The following SLC12A2 variants were observed in gnomAD, a reference collection of about 807,000 sequenced individuals.
SLC12A2 encodes Na-K-2Cl cotransporter 1.
Under a neutral mutation model 136.3 loss-of-function variants are expected in SLC12A2, and 67 were observed. That is an observed-to-expected ratio of 0.49 (90% CI 0.40 to 0.60). The LOEUF (loss-of-function observed/expected upper bound fraction) is 0.60, where lower values mean the gene tolerates loss of function less well. Ranked by LOEUF, SLC12A2 falls within the 20% of genes least tolerant of loss-of-function variation. SLC12A2 has a pLI of 0.00. For synonymous variants in SLC12A2, 619 were observed against 562.9 expected (o/e 1.10, Z -1.41); for missense variants, 1,322 against 1,534.7 (o/e 0.86, Z 2.32).
intron 9 of SLC12A2, 124 bp from the exon 10 acceptor site, chr5:128,141,706 C>A: frequency 1.6e-6 from 1 of 615,512 alleles, no homozygotes; most frequent in Non-Finnish European, 2.5e-6. Flanking sequence ...GCAATGTATG[C>A]TATTATAAGG....
At chr5:128,184,132 A>G (rs1388720751) in intron 24 of SLC12A2, among the ~76,000 whole-genome samples, 1 of 152,040 alleles carries the variant, frequency 6.6e-6, no homozygotes. Flanking sequence ...ATTTCAGATT[A>G]GGGATGCACA....
At chr5:128,168,919 T>C (rs1382403461) in intron 18 of SLC12A2, 2 of 152,224 alleles carry the variant, frequency 1.3e-5, no homozygotes, top group African/African-American at 4.8e-5. Context: ...GTGCGTTCTT[T>C]TTTATTCTTT....
intron 1 of SLC12A2, among the ~76,000 whole-genome samples, chr5:128,088,164 C>T (rs1017120299): frequency 6.6e-6 from 1 of 151,692 alleles, no homozygotes; most frequent in African/African-American, 2.4e-5. Flanking sequence ...TGGCATTGGA[C>T]TTGGAGATTG....
chr5:128,181,380 A>G (rs561291842), intron 23 of SLC12A2, among the ~76,000 whole-genome samples: 36 of 152,246 alleles, frequency 2.4e-4, no homozygotes, highest in South Asian at 1.7e-3. Flanking sequence ...CATCCATCCA[A>G]TTCTTTCCAT....
chr5:128,183,177 G>C (rs1362496401), intron 24 of SLC12A2, among the ~76,000 whole-genome samples: 1 of 152,036 alleles, frequency 6.6e-6, no homozygotes, highest in Admixed American at 6.6e-5. Flanking sequence ...TCTGAAAGGT[G>C]GTTCATTTCC....
At chr5:128,092,265 T>C (rs1263756456) in intron 1 of SLC12A2, among the ~76,000 whole-genome samples, 1 of 152,174 alleles carries the variant, frequency 6.6e-6, no homozygotes, top group Admixed American at 6.5e-5. Flanking sequence ...ACCACTTTGG[T>C]AAAAGCCCAT....
intron 4 of SLC12A2, among the ~76,000 whole-genome samples, chr5:128,118,422 A>G (rs1188607612): frequency 6.6e-6 from 1 of 152,212 alleles, no homozygotes; most frequent in East Asian, 1.9e-4. Flanking sequence ...CATTTGCGGC[A>G]ACCTGCATGG....
intron 18 of SLC12A2, chr5:128,169,134 C>T (rs1333232674): frequency 6.6e-6 from 1 of 151,960 alleles, no homozygotes; most frequent in Non-Finnish European, 1.5e-5. Flanking sequence ...ATAAGCATTC[C>T]CTCTCCACTA....
chr5:128,186,605 C>T lies in SLC12A2; in HGVS notation c.3613C>T (p.Gln1205Ter). Residue 1205 changes from glutamine (Q) to a stop codon, truncating the protein, a stop_gained, in exon 27 of 27, where the codon CAG (glutamine) becomes TAG (stop). Coordinates refer to ENST00000262461, the MANE Select transcript of SLC12A2 (RefSeq NM_001046.3). LOFTEE classifies it high-confidence loss of function. The stretch of plus-strand genomic sequence containing the variant: ...AATCCTCCTAGTTCGTGGGAATCAT[C>T]AGAGTGTCCTTACCTTCTATTCATA... ...PPILLVRGNH[Q>*]SVLTFYS 1 of 1,613,978 alleles carries T rather than the reference C, an allele frequency of 6.2e-7. No individual in the cohort carries two copies. The highest frequency in any genetic ancestry group is 8.5e-7 in the Non-Finnish European group (1 of 1,179,940).
intron 1 of SLC12A2, chr5:128,109,935 A>C: frequency 1.2e-6 from 1 of 841,718 alleles, no homozygotes; most frequent in Non-Finnish European, 2.1e-6. Flanking sequence ...CGGGGGATGA[A>C]CTGCCCAACT....
intron 4 of SLC12A2, among the ~76,000 whole-genome samples, chr5:128,118,259 C>T (rs1046841273): frequency 5.9e-5 from 9 of 152,146 alleles, no homozygotes; most frequent in African/African-American, 2.2e-4. Flanking sequence ...ATGAAAAAGA[C>T]ACTTGTGCAC....
At chr5:128,134,136 C>A in intron 5 of SLC12A2, 29 bp from the exon 6 acceptor site, 1 of 1,173,564 alleles carries the variant, frequency 8.5e-7, no homozygotes, top group Non-Finnish European at 1.3e-6. Context: ...ACTAGTATTG[C>A]TTATTATATT....
rs1763896524 is a variant in SLC12A2 at position 128,187,214 on chromosome 5, A to T, written c.*583A>T. On this transcript the variant is annotated 3_prime_UTR_variant, in exon 27 of 27. Coordinates refer to ENST00000262461, the MANE Select transcript of SLC12A2 (RefSeq NM_001046.3). ...TCAAAAATGGGGAAGGGGAAATGGTAACCAAAAAGTAACCCCATGGTAAGG... is the reference window on the plus strand; with the variant it reads ...TCAAAAATGGGGAAGGGGAAATGGTTACCAAAAAGTAACCCCATGGTAAGG... 1 of 152,786 alleles carries T rather than the reference A, an allele frequency of 6.5e-6. No homozygotes were observed. The highest frequency in any genetic ancestry group is 1.5e-5 in the Non-Finnish European group (1 of 68,168). The allele number at this position is 152,786 out of a possible 1,614,324, so 9.5% of individuals were successfully genotyped here.
Position 128,174,521 on chromosome 5 carries a change from A to G in SLC12A2, c.2804-20A>G. 2 of 1,569,026 alleles carry G rather than the reference A, an allele frequency of 1.3e-6. No homozygotes were observed. Among genetic ancestry groups the G allele is most frequent in the Non-Finnish European group, 1.7e-6 (2 of 1,148,986 alleles). On this transcript the variant is annotated intron_variant, in intron 19 of 26. Coordinates refer to ENST00000262461, the MANE Select transcript of SLC12A2 (RefSeq NM_001046.3). ...TAAAATATGACTTAGATACTATTTT[A>G]AATAATTTTCTGTCTACAGAAGAAT...
intron 4 of SLC12A2, among the ~76,000 whole-genome samples, chr5:128,126,171 G>T (rs1761786827): frequency 1.3e-5 from 2 of 152,022 alleles, no homozygotes; most frequent in South Asian, 4.1e-4. Flanking sequence ...GCCAATTTCT[G>T]CCCAAAAAAT....
chr5:128,111,196 AAAAT>A (rs1375441564), intron 1 of SLC12A2, among the ~76,000 whole-genome samples: 4 of 152,240 alleles, frequency 2.6e-5, no homozygotes, highest in Non-Finnish European at 4.4e-5. Context: ...CCTTTATTAA[AAAAT>A]ATATATACAC....
intron 17 of SLC12A2, among the ~76,000 whole-genome samples, chr5:128,166,845 CTT>C (rs916563575): frequency 1.3e-5 from 2 of 151,788 alleles, no homozygotes; most frequent in African/African-American, 2.4e-5. Flanking sequence ...AATACTAAAA[CTT>C]GTGTGTGCAC....
Position 128,171,677 on chromosome 5 carries a change from G to T in SLC12A2, c.2734G>T (p.Asp912Tyr). ...TTTTTTTGTTCTTAGTGATGCTTTT[G>T]ACATACAATATGGAGTAGTGGTTAT... ...MYINLFHDAF[D>Y]IQYGVVVIRL... The change falls in exon 19 of 27, where the codon GAC becomes TAC. Residue 912 changes from aspartate to tyrosine, a missense_variant. Coordinates refer to ENST00000262461, the MANE Select transcript of SLC12A2 (RefSeq NM_001046.3). 1.3e-6 allele frequency: 2 copies of T among 1,561,414 alleles called. No homozygotes were observed. Among genetic ancestry groups the T allele is most frequent in the South Asian group, 1.2e-5 (1 of 81,426 alleles).
chr5:128,124,823 C>T (rs1326295747), intron 4 of SLC12A2, among the ~76,000 whole-genome samples: 2 of 152,022 alleles, frequency 1.3e-5, no homozygotes, highest in African/African-American at 4.8e-5. Context: ...AAGTGCTAAC[C>T]CTCTAATCAC....
Sources: gnomAD v4.1 joint callset for allele counts (sites outside exome capture counted in the v4.1 genomes callset) on GRCh38, gnomAD v4.1.1 for gene constraint, MANE v1.5 for transcripts, NCBI Gene and HGNC (gene_info 2026-07-23, HGNC 2026-07-21) for gene names.